Variants in KL observed in about 807,000 individuals in gnomAD.
KL encodes alpha-klotho.
A neutral mutation model predicts 84.2 loss-of-function variants in KL; 62 were observed. That is an observed-to-expected ratio of 0.74 (90% confidence interval 0.60 to 0.91). The LOEUF is 0.91. Ranked by LOEUF, KL falls within the 40% of genes least tolerant of loss-of-function variation. The pLI, the probability that KL is intolerant of heterozygous loss-of-function variation, is 0.00. For synonymous variants in KL, 528 were observed against 528.0 expected (o/e 1.00, Z 0.00); for missense variants, 1,261 against 1,305.7 (o/e 0.97, Z 0.53).
At position 33,065,226 on chromosome 13, in the gene KL, CA is replaced by C; in HGVS notation, c.*1044del. ...TAGTTTTACAAATTCTTAATAGGTTCAAAAGCAATCTGGTCTGAATAACACT... is the reference window on the plus strand; with the variant it reads ...TAGTTTTACAAATTCTTAATAGGTTCAAAGCAATCTGGTCTGAATAACACT... On this transcript the variant is annotated 3_prime_UTR_variant, in exon 5 of 5. Transcript: ENST00000380099. 1 of 217,288 alleles carries C rather than the reference CA, an allele frequency of 4.6e-6. No individual in the cohort carries two copies. 13.5% of individuals were successfully genotyped at this position (217,288 alleles called of 1,614,324 possible).
chr13:33,017,212 C>G lies in KL; in HGVS notation c.772C>G (p.Arg258Gly). The G allele has an allele frequency of 6.3e-7, 1 of 1,593,732 alleles. No individual in the cohort carries two copies. The highest frequency in any genetic ancestry group is 1.7e-4 in the Middle Eastern group (1 of 6,050). The part of the protein sequence containing the change: ...YATGRLAPGI[R>G]GSPRLGYLVA... ...CACCGGGCGCCTGGCCCCCGGCATC[C>G]GGGGCAGCCCGCGGCTCGGGTACCT... is the stretch of plus-strand genomic sequence containing the variant. Residue 258 changes from arginine (R) to glycine (G), a missense_variant, in exon 1 of 5, where the codon CGG (arginine) becomes GGG (glycine). By Grantham distance (125) the Arg-to-Gly change is moderately radical. Coordinates refer to ENST00000380099, the MANE Select transcript of KL (RefSeq NM_004795.4).
chr13:33,054,282 G>A lies in KL; in HGVS notation c.1330+5G>A, dbSNP rs1418879210. The A allele has an allele frequency of 4.3e-6, 7 of 1,612,506 alleles. No homozygotes were observed. Among genetic ancestry groups the A allele is most frequent in the Non-Finnish European group, 5.9e-6 (7 of 1,179,656 alleles). Reference sequence around the variant, plus strand: ...TCATCATGGAAACCTTAAAAGGTATGATTGTGGGTAAAGTTCTCATTTCCT... The same window carrying A: ...TCATCATGGAAACCTTAAAAGGTATAATTGTGGGTAAAGTTCTCATTTCCT... On this transcript the variant is annotated splice_donor_5th_base_variant and intron_variant, in intron 2 of 4. Transcript: ENST00000380099.
intron 1 of KL, among the ~76,000 whole-genome samples, chr13:33,039,035 T>C (rs1029598381): frequency 6.6e-6 from 1 of 152,220 alleles, no homozygotes; most frequent in Non-Finnish European, 1.5e-5. Context: ...CTGCTATCTC[T>C]GTACAAATCC....
At position 33,064,866 on chromosome 13, in the gene KL, T is replaced by A. The variant is rs1872349312; in HGVS notation, c.*680T>A. ...AAACCCTGTGTCCCTGAGGGATCTG[T>A]CTCACTGGCATCTTGTTGAGGGCCT... On this transcript the variant is annotated 3_prime_UTR_variant, in exon 5 of 5. Coordinates refer to ENST00000380099, the MANE Select transcript of KL (RefSeq NM_004795.4). 1 of 228,720 alleles carries A rather than the reference T, an allele frequency of 4.4e-6. No homozygotes were observed. Among genetic ancestry groups the A allele is most frequent in the Admixed American group, 5.7e-5 (1 of 17,598 alleles). 14.2% of individuals were successfully genotyped at this position (228,720 alleles called of 1,614,324 possible).
chr13:33,056,260 G>A (rs916446777), intron 3 of KL, among the ~76,000 whole-genome samples: 2 of 152,210 alleles, frequency 1.3e-5, no homozygotes, highest in Admixed American at 1.3e-4. Flanking sequence ...CCATAGACAA[G>A]CAGTTGGCTT....
chr13:33,043,841 T>C (rs1871427220), intron 1 of KL, among the ~76,000 whole-genome samples: 1 of 152,182 alleles, frequency 6.6e-6, no homozygotes. Context: ...GTTAGCGAAA[T>C]GTAAAGGCAA....
At chr13:33,033,182 G>T (rs480780) in intron 1 of KL, among the ~76,000 whole-genome samples, 46,699 of 152,104 alleles carry the variant, frequency 0.31, 8,360 homozygotes, top group Admixed American at 0.43. Flanking sequence ...AAAAATGAAA[G>T]AAGCCAGAGG....
At chr13:33,022,866 C>T (rs771193399) in intron 1 of KL, among the ~76,000 whole-genome samples, 80 of 152,298 alleles carry the variant, frequency 5.3e-4, no homozygotes, top group Non-Finnish European at 7.8e-4. Context: ...CTGGTTTCAA[C>T]GTGTCCATAT....
intron 1 of KL, among the ~76,000 whole-genome samples, chr13:33,046,466 G>A (rs1415848301): frequency 6.6e-6 from 1 of 152,090 alleles, no homozygotes; most frequent in Non-Finnish European, 1.5e-5. Context: ...TTATAGAAAT[G>A]ATATACAGAA....
chr13:33,057,332 G>A (rs941809803), intron 3 of KL, among the ~76,000 whole-genome samples: 1 of 152,162 alleles, frequency 6.6e-6, no homozygotes, highest in Non-Finnish European at 1.5e-5. Flanking sequence ...CCTCATCAGG[G>A]GGCTGTGCGC....
chr13:33,027,868 T>C (rs1239927220), intron 1 of KL, among the ~76,000 whole-genome samples: 3 of 152,182 alleles, frequency 2.0e-5, no homozygotes, highest in Non-Finnish European at 4.4e-5. Flanking sequence ...AATGTCAAGA[T>C]AGGATTAGAT....
chr13:33,043,243 A>G (rs1442243019), intron 1 of KL, among the ~76,000 whole-genome samples: 2 of 121,144 alleles, frequency 1.7e-5, no homozygotes, highest in African/African-American at 3.2e-5. Context: ...TTTTTTTTTG[A>G]GGCAGCATCT....
intron 1 of KL, among the ~76,000 whole-genome samples, chr13:33,037,688 C>T (rs986969715): frequency 6.6e-6 from 1 of 152,130 alleles, no homozygotes; most frequent in African/African-American, 2.4e-5. Flanking sequence ...CTGGCAAACA[C>T]TGAGAAAATG....
In KL at chr13:33,016,912, C is replaced by T. The variant is rs1255348768; in HGVS notation, c.472C>T (p.Pro158Ser). The change falls in exon 1 of 5, where the codon CCC becomes TCC. Residue 158 changes from proline to serine, a missense_variant. Coordinates refer to ENST00000380099, the MANE Select transcript of KL (RefSeq NM_004795.4). ...CTCCATCTCGTGGGCGCGAGTGCTC[C>T]CCAATGGCAGCGCGGGCGTCCCCAA... The part of the protein sequence containing the change: ...RFSISWARVL[P>S]NGSAGVPNRE... 3 of 1,611,718 alleles carry T rather than the reference C, an allele frequency of 1.9e-6. No individual in the cohort carries two copies. Among genetic ancestry groups the T allele is most frequent in the African/African-American group, 2.7e-5 (2 of 75,026 alleles).
At position 33,017,012 on chromosome 13, in the gene KL, T is replaced by G. The variant is rs756007430; in HGVS notation, c.572T>G (p.Leu191Arg). The G allele has an allele frequency of 1.9e-6, 3 of 1,595,492 alleles. No individual in the cohort carries two copies. Among genetic ancestry groups the G allele is most frequent in the Non-Finnish European group, 2.6e-6 (3 of 1,174,800 alleles). Residue 191 changes from leucine (L) to arginine (R), a missense_variant, in exon 1 of 5, where the codon CTG (leucine) becomes CGG (arginine). By Grantham distance (102) the Leu-to-Arg change is moderately radical. Transcript: ENST00000380099. Reference protein sequence around the residue: ...RELGVQPVVTLYHWDLPQRLQ... With the variant: ...RELGVQPVVTRYHWDLPQRLQ... ...CTGGGCGTGCAGCCCGTGGTCACCC[T>G]GTACCACTGGGACCTGCCCCAGCGC...
At position 33,061,240 on chromosome 13, in the gene KL, G is replaced by C; in HGVS notation, c.2161G>C (p.Ala721Pro). 6.2e-7 allele frequency: 1 copy of C among 1,614,252 alleles called. No individual in the cohort carries two copies. The highest frequency in any genetic ancestry group is 8.5e-7 in the Non-Finnish European group (1 of 1,180,044). Residue 721 changes from alanine (A) to proline (P), a missense_variant, in exon 4 of 5, where the codon GCT becomes CCT. Ala to Pro is a conservative substitution (Grantham distance 27, BLOSUM62 -1). Coordinates refer to ENST00000380099, the MANE Select transcript of KL (RefSeq NM_004795.4). ...WHVYNEKFRH[A>P]QNGKISIALQ... ...TGTGTACAATGAAAAGTTTAGGCAT[G>C]CTCAGAATGGGAAAATATCCATAGC...
chr13:33,055,402 C>T (rs771960861), intron 3 of KL, 87 bp downstream of exon 3: 10 of 1,559,928 alleles, frequency 6.4e-6, no homozygotes, highest in Non-Finnish European at 8.8e-6. Flanking sequence ...ATTGTCATGG[C>T]ACATTGTCCG....
At chr13:33,023,174 C>T (rs144059490) in intron 1 of KL, among the ~76,000 whole-genome samples, 26 of 152,198 alleles carry the variant, frequency 1.7e-4, no homozygotes, top group African/African-American at 4.1e-4. Flanking sequence ...CCTGAGGAGC[C>T]GGGTGCTCAG....
At chr13:33,051,645 C>T (rs1281705880) in intron 1 of KL, among the ~76,000 whole-genome samples, 1 of 152,204 alleles carries the variant, frequency 6.6e-6, no homozygotes, top group Non-Finnish European at 1.5e-5. Context: ...TAAACCTCCT[C>T]CTCTGAGCCT....
Sources: gnomAD v4.1 joint callset for allele counts (sites outside exome capture counted in the v4.1 genomes callset) on GRCh38, gnomAD v4.1.1 for gene constraint, MANE v1.5 for transcripts, NCBI Gene and HGNC (gene_info 2026-07-23, HGNC 2026-07-21) for gene names.